NEGR1: variants seen among roughly 807,000 people sequenced by gnomAD.
The protein encoded by NEGR1 is neuronal growth regulator 1.
In NEGR1, 10 loss-of-function variants were observed where a neutral mutation model predicts 40.9. The observed-to-expected ratio is 0.24, with a 90% confidence interval of 0.15 to 0.42. The LOEUF is 0.42. NEGR1 is among the 10% of genes least tolerant of loss of function. The probability of loss-of-function intolerance (pLI) is 1.00; values close to 1 mark genes in which losing one functional copy is unlikely to be tolerated. For missense variants in NEGR1, 352 were observed against 438.9 expected, an observed-to-expected ratio of 0.80 and a Z score of 1.77; for synonymous variants, 185 against 166.8, an observed-to-expected ratio of 1.11 and a Z score of -0.84.
At chr1:71,932,297 TG>T (rs1336710517) in intron 2 of NEGR1, among the ~76,000 whole-genome samples, 4 of 151,830 alleles carry the variant, frequency 2.6e-5, no homozygotes, top group South Asian at 2.1e-4. Context: ...TTATTTGTTT[TG>T]TTTTTTTTTG....
At chr1:71,816,606 C>T (rs1658224787) in intron 2 of NEGR1, among the ~76,000 whole-genome samples, 1 of 152,032 alleles carries the variant, frequency 6.6e-6, no homozygotes. Flanking sequence ...TCAATTACCT[C>T]CCTCTGGGTC....
chr1:72,180,514 C>A (rs1652326776), intron 1 of NEGR1, among the ~76,000 whole-genome samples: 1 of 151,336 alleles, frequency 6.6e-6, no homozygotes, highest in Non-Finnish European at 1.5e-5. Context: ...AAACAATCAA[C>A]AAAATGAAAC....
At chr1:71,615,868 C>T (rs1650430635) in intron 4 of NEGR1, among the ~76,000 whole-genome samples, 1 of 152,046 alleles carries the variant, frequency 6.6e-6, no homozygotes, top group South Asian at 2.1e-4. Flanking sequence ...TTGTAGTAAT[C>T]CTTAGGATAA....
At chr1:72,155,968 G>A (rs1321131700) in intron 1 of NEGR1, among the ~76,000 whole-genome samples, 1 of 152,010 alleles carries the variant, frequency 6.6e-6, no homozygotes, top group Non-Finnish European at 1.5e-5. Flanking sequence ...CAAGAAACAG[G>A]GTGGTCTGCA....
chr1:72,211,113 C>A (rs1483493551), intron 1 of NEGR1, among the ~76,000 whole-genome samples: 1 of 151,804 alleles, frequency 6.6e-6, no homozygotes, highest in African/African-American at 2.4e-5. Context: ...ACATGCTCAT[C>A]CTCTTTCATC....
chr1:72,081,846 T>C (rs749780013), intron 1 of NEGR1, among the ~76,000 whole-genome samples: 1 of 152,088 alleles, frequency 6.6e-6, no homozygotes, highest in African/African-American at 2.4e-5. Flanking sequence ...TATCCCTCCC[T>C]GACACCTCTT....
intron 5 of NEGR1, among the ~76,000 whole-genome samples, chr1:71,610,072 C>G (rs895176496): frequency 6.6e-6 from 1 of 152,222 alleles, no homozygotes; most frequent in Non-Finnish European, 1.5e-5. Flanking sequence ...CCATGTGGAA[C>G]TGTGAGTCAA....
intron 1 of NEGR1, among the ~76,000 whole-genome samples, chr1:72,264,967 T>A (rs1189840037): frequency 4.0e-5 from 6 of 150,726 alleles, no homozygotes; most frequent in African/African-American, 1.5e-4. Context: ...AATTTATAAT[T>A]ATTATAAATT....
intron 3 of NEGR1, among the ~76,000 whole-genome samples, chr1:71,759,552 C>T (rs1384946387): frequency 7.0e-6 from 1 of 142,512 alleles, no homozygotes; most frequent in Admixed American, 7.5e-5. Flanking sequence ...TCGCCTCGGC[C>T]TCCCAAAGTG....
At chr1:71,741,914 G>A (rs1319557849) in intron 3 of NEGR1, among the ~76,000 whole-genome samples, 2 of 152,124 alleles carry the variant, frequency 1.3e-5, no homozygotes, top group Admixed American at 6.5e-5. Flanking sequence ...TCACGACTGT[G>A]AGGACAGTTC....
chr1:71,995,707 A>G (rs1187006146), intron 1 of NEGR1, among the ~76,000 whole-genome samples: 1 of 152,218 alleles, frequency 6.6e-6, no homozygotes, highest in Non-Finnish European at 1.5e-5. Context: ...TACGATTTCC[A>G]TGTATGAATA....
chr1:71,582,203 TGAG>T (rs1649163274), intron 6 of NEGR1, among the ~76,000 whole-genome samples: 2 of 152,088 alleles, frequency 1.3e-5, no homozygotes, highest in Non-Finnish European at 2.9e-5. Context: ...AGAAGTTTTG[TGAG>T]GAGGGTAGAT....
chr1:71,801,658 A>G (rs1657563473), intron 2 of NEGR1, among the ~76,000 whole-genome samples: 1 of 152,146 alleles, frequency 6.6e-6, no homozygotes. Flanking sequence ...TTTGCCTCTA[A>G]CTTTAGAGCC....
At chr1:71,706,275 A>G (rs1653897109) in intron 3 of NEGR1, among the ~76,000 whole-genome samples, 1 of 152,164 alleles carries the variant, frequency 6.6e-6, no homozygotes, top group African/African-American at 2.4e-5. Context: ...CATCCGCAGA[A>G]GGAGGATTTA....
chr1:71,711,765 A>T (rs979043594), intron 3 of NEGR1, among the ~76,000 whole-genome samples: 11 of 152,244 alleles, frequency 7.2e-5, no homozygotes, highest in African/African-American at 2.4e-4. Flanking sequence ...ATTATGCTAC[A>T]TTCATTTGCC....
chr1:72,071,983 T>G (rs1439230405), intron 1 of NEGR1, among the ~76,000 whole-genome samples: 1 of 152,292 alleles, frequency 6.6e-6, no homozygotes, highest in African/African-American at 2.4e-5. Context: ...TCAGTTAGTC[T>G]TATTTCTTGT....
intron 3 of NEGR1, among the ~76,000 whole-genome samples, chr1:71,703,569 A>G (rs544451754): frequency 4.5e-4 from 68 of 151,968 alleles, no homozygotes; most frequent in African/African-American, 1.5e-3. Context: ...TACAAAAAAT[A>G]AATATAATGA....
intron 3 of NEGR1, among the ~76,000 whole-genome samples, chr1:71,717,722 C>A (rs762747171): frequency 2.0e-5 from 3 of 152,158 alleles, no homozygotes; most frequent in Non-Finnish European, 4.4e-5. Flanking sequence ...AAGCCCAGTA[C>A]TTCAGAATGT....
intron 2 of NEGR1, among the ~76,000 whole-genome samples, chr1:71,922,387 A>G (rs147920280): frequency 1.3e-5 from 2 of 152,222 alleles, no homozygotes; most frequent in Admixed American, 1.3e-4. Flanking sequence ...GCATAGCAAG[A>G]GAGGTGCAGA....
Sources: gnomAD v4.1 joint callset for allele counts (sites outside exome capture counted in the v4.1 genomes callset) on GRCh38, gnomAD v4.1.1 for gene constraint, MANE v1.5 for transcripts, NCBI Gene and HGNC (gene_info 2026-07-23, HGNC 2026-07-21) for gene names.